Variants in GBE1 observed in about 807,000 individuals in gnomAD.
GBE1 encodes the protein 1,4-alpha-glucan branching enzyme 1.
Under a neutral mutation model 88.8 loss-of-function variants are expected in GBE1, and 70 were observed. The observed-to-expected ratio is 0.79, with a 90% CI of 0.65 to 0.96. GBE1 has a LOEUF of 0.96. Among genes scored for constraint, GBE1 ranks in the 40% least tolerant of loss-of-function variants. GBE1 has a pLI of 0.00. For synonymous variants in GBE1, 284 were observed against 300.1 expected (o/e 0.95, Z 0.56); for missense variants, 872 against 871.0 (o/e 1.00, Z -0.01).
At chr3:81,596,294 T>C (rs1254617708) in intron 7 of GBE1, among the ~76,000 whole-genome samples, 1 of 151,992 alleles carries the variant, frequency 6.6e-6, no homozygotes, top group African/African-American at 2.4e-5. Context: ...ATTTTCTTTT[T>C]TTTTTATTAT....
chr3:81,746,290 G>T (rs1033388416), intron 1 of GBE1, among the ~76,000 whole-genome samples: 2 of 152,110 alleles, frequency 1.3e-5, no homozygotes, highest in East Asian at 1.9e-4. Flanking sequence ...CTGAGACAGG[G>T]TCTTGCTCTG....
intron 14 of GBE1, among the ~76,000 whole-genome samples, chr3:81,531,632 G>C (rs1448811700): frequency 6.6e-6 from 1 of 151,576 alleles, no homozygotes; most frequent in Non-Finnish European, 1.5e-5. Context: ...CTGAGAGCTG[G>C]AGCCTGAAAT....
chr3:81,661,149 T>G (rs974046542), intron 3 of GBE1, among the ~76,000 whole-genome samples: 1 of 151,974 alleles, frequency 6.6e-6, no homozygotes, highest in East Asian at 1.9e-4. Context: ...CTAAAAAAAA[T>G]GTGAGAAAGT....
At chr3:81,496,021 T>TA (rs1702496558) in intron 15 of GBE1, among the ~76,000 whole-genome samples, 2 of 152,206 alleles carry the variant, frequency 1.3e-5, no homozygotes, top group South Asian at 4.1e-4. Context: ...TATCTCTCAT[T>TA]TGTGCTATGG....
At chr3:81,689,213 C>T (rs1207090570) in intron 2 of GBE1, among the ~76,000 whole-genome samples, 1 of 152,176 alleles carries the variant, frequency 6.6e-6, no homozygotes, top group African/African-American at 2.4e-5. Flanking sequence ...CATGCTGATA[C>T]AGGCATAAAC....
chr3:81,591,160 T>C lies in GBE1; in HGVS notation c.1113A>G (p.Gln371=), dbSNP rs1208954765. 3.8e-6 allele frequency: 6 copies of C among 1,597,384 alleles called. No individual in the cohort carries two copies. The East Asian group carries it at 6.7e-5, about 18-fold the overall frequency. ...SMLYHHHGVG[Q]GFSGDYSEYF... ...ATTCACTGTAATCACCTGAGAAACCTTGACCTTAGAAAAAGAAAATCAATA... is the reference window on the plus strand; with the variant it reads ...ATTCACTGTAATCACCTGAGAAACCCTGACCTTAGAAAAAGAAAATCAATA... Residue 371 remains glutamine (Q), a synonymous_variant, in exon 9 of 16, where the codon CAA becomes CAG. Transcript: ENST00000429644.
intron 12 of GBE1, among the ~76,000 whole-genome samples, chr3:81,560,096 C>A (rs1476213130): frequency 6.6e-6 from 1 of 151,880 alleles, no homozygotes; most frequent in Non-Finnish European, 1.5e-5. Context: ...TCTCAGAATG[C>A]ACCAGGCTTA....
At chr3:81,663,509 C>T (rs1553689787) in intron 3 of GBE1, among the ~76,000 whole-genome samples, 1 of 152,180 alleles carries the variant, frequency 6.6e-6, no homozygotes, top group Non-Finnish European at 1.5e-5. Context: ...TCCCTACTAG[C>T]TCTGCCATCA....
chr3:81,508,419 T>G (rs1023868177), intron 14 of GBE1, among the ~76,000 whole-genome samples: 1 of 152,130 alleles, frequency 6.6e-6, no homozygotes, highest in Non-Finnish European at 1.5e-5. Context: ...GTAAATTCAA[T>G]TATCTGATGA....
intron 3 of GBE1, among the ~76,000 whole-genome samples, chr3:81,657,163 ACAAT>A (rs1704953951): frequency 6.6e-6 from 1 of 151,580 alleles, no homozygotes; most frequent in African/African-American, 2.4e-5. Flanking sequence ...ACAAAAAAAA[ACAAT>A]AAATTTGTAA....
At chr3:81,732,713 T>C (rs1706206778) in intron 1 of GBE1, among the ~76,000 whole-genome samples, 1 of 152,182 alleles carries the variant, frequency 6.6e-6, no homozygotes, top group Non-Finnish European at 1.5e-5. Context: ...AGTCGTCCTG[T>C]TTACATCCTT....
At chr3:81,576,076 G>A (rs916162086) in intron 12 of GBE1, among the ~76,000 whole-genome samples, 7 of 151,486 alleles carry the variant, frequency 4.6e-5, no homozygotes, top group Non-Finnish European at 1.0e-4. Flanking sequence ...TAAGGTGTAC[G>A]TCAACCTAGA....
In GBE1 at chr3:81,622,753, C is replaced by T. The variant is rs184393343; in HGVS notation, c.992+20028G>A. Among the ~76,000 whole-genome samples, 7 of 152,300 alleles carry T rather than the reference C, an allele frequency of 4.6e-5. No homozygotes were observed. In the East Asian group the frequency reaches 1.2e-3, roughly 25 times the overall value. The stretch of plus-strand genomic sequence containing the variant: ...TACCTTATGACAGAAGTCCCATTTT[C>T]AGAGGCCTTTTTACCTCTTGGTCAA... On this transcript the variant is annotated intron_variant, in intron 7 of 15. Coordinates refer to ENST00000429644, the MANE Select transcript of GBE1 (RefSeq NM_000158.4).
At position 81,761,550 on chromosome 3, in the gene GBE1, G is replaced by GA. The variant is rs777504607; in HGVS notation, c.-34dup. On this transcript the variant is annotated 5_prime_UTR_variant, in exon 1 of 16. Transcript: ENST00000429644. ...CGCAGTCCAAGTAGCCGAGGCCCGA[G>GA]AGGTCGAGTGGGGCCTGAGCGGGCG... The GA allele has an allele frequency of 4.2e-6, 6 of 1,437,542 alleles. No homozygotes were observed. The African/African-American group carries it at 1.5e-4, about 36-fold the overall frequency. The allele number at this position is 1,437,542 out of a possible 1,614,324, so 89.0% of individuals were successfully genotyped here.
chr3:81,532,274 G>C (rs1703020424), intron 14 of GBE1, among the ~76,000 whole-genome samples: 1 of 151,888 alleles, frequency 6.6e-6, no homozygotes, highest in South Asian at 2.1e-4. Flanking sequence ...GGAGGACAAT[G>C]GCTGGAGAGT....
At chr3:81,673,437 TA>T (rs1705216482) in intron 2 of GBE1, among the ~76,000 whole-genome samples, 1 of 151,856 alleles carries the variant, frequency 6.6e-6, no homozygotes, top group African/African-American at 2.4e-5. Context: ...TAGACCAATA[TA>T]AATGAGAAAA....
intron 1 of GBE1, among the ~76,000 whole-genome samples, chr3:81,713,267 G>A (rs1559696395): frequency 6.6e-6 from 1 of 152,156 alleles, no homozygotes; most frequent in South Asian, 2.1e-4. Flanking sequence ...TATCTTGAAG[G>A]ATGAGTAGTA....
At chr3:81,571,528 G>A (rs984176123) in intron 12 of GBE1, among the ~76,000 whole-genome samples, 1 of 151,994 alleles carries the variant, frequency 6.6e-6, no homozygotes, top group Non-Finnish European at 1.5e-5. Context: ...TTTATGTTTC[G>A]AGGTATACCC....
At chr3:81,684,685 A>T (rs183188296) in intron 2 of GBE1, among the ~76,000 whole-genome samples, 4 of 152,324 alleles carry the variant, frequency 2.6e-5, no homozygotes, top group Admixed American at 2.6e-4. Context: ...ACTAGATTTT[A>T]TGTTTGCCCT....
Sources: allele counts gnomAD v4.1 joint callset (sites outside exome capture counted in the v4.1 genomes callset), GRCh38; gene constraint gnomAD v4.1.1; transcripts MANE v1.5; gene names NCBI Gene and HGNC (gene_info 2026-07-23, HGNC 2026-07-21).